ABLIM2: variants seen among roughly 807,000 people sequenced by gnomAD.
ABLIM2 encodes the protein actin-binding LIM protein 2.
In ABLIM2, 53 loss-of-function variants were observed where a neutral mutation model predicts 97.7. The observed-to-expected ratio is 0.54, with a 90% CI of 0.44 to 0.68. The LOEUF is 0.68. Ranked by LOEUF, ABLIM2 falls within the 30% of genes least tolerant of loss-of-function variation. The probability of loss-of-function intolerance (pLI) is 0.00; values close to 1 mark genes in which losing one functional copy is unlikely to be tolerated. For synonymous variants in ABLIM2, 361 were observed against 345.8 expected (o/e 1.04, Z -0.49); for missense variants, 835 against 867.2 (o/e 0.96, Z 0.47).
At chr4:8,086,644 C>T (rs954397443) in intron 4 of ABLIM2, among the ~76,000 whole-genome samples, 3 of 152,222 alleles carry the variant, frequency 2.0e-5, no homozygotes, top group East Asian at 3.9e-4. Context: ...CACACCCAGC[C>T]CATGTTTCCC....
intron 20 of ABLIM2, among the ~76,000 whole-genome samples, chr4:7,975,031 C>A (rs184630431): frequency 3.9e-5 from 6 of 152,204 alleles, no homozygotes; most frequent in African/African-American, 1.4e-4. Context: ...CCAGCCAGGG[C>A]AACATAGTAA....
At chr4:7,972,864 C>T (rs1203071124) in intron 20 of ABLIM2, among the ~76,000 whole-genome samples, 1 of 152,166 alleles carries the variant, frequency 6.6e-6, no homozygotes, top group Non-Finnish European at 1.5e-5. Context: ...TTGTCACCCT[C>T]AGTCTACCAG....
intron 1 of ABLIM2, among the ~76,000 whole-genome samples, chr4:8,118,544 C>T (rs370014151): frequency 1.3e-5 from 2 of 152,176 alleles, no homozygotes; most frequent in African/African-American, 2.4e-5. Context: ...CAAGCTGCAC[C>T]CCTCTGCTTA....
Position 8,150,958 on chromosome 4 carries a change from T to C in ABLIM2, c.10+7722A>G, listed in dbSNP as rs1712481912. 6.6e-6 allele frequency among the ~76,000 whole-genome samples: 1 copy of C among 152,128 alleles called. No individual in the cohort carries two copies. Among genetic ancestry groups the C allele is most frequent in the South Asian group, 2.1e-4 (1 of 4,824 alleles). The stretch of plus-strand genomic sequence containing the variant: ...GAGCTGTGAAGGGTATTTACAGCTG[T>C]GACAAAGGCCATTCTGCCCGTTCCC... On this transcript the variant is annotated intron_variant, in intron 1 of 20. Transcript: ENST00000447017. This position sits in a 1 kb window ranked among gnomAD's most constrained non-coding sequence, Gnocchi z 6.3.
intron 2 of ABLIM2, among the ~76,000 whole-genome samples, chr4:8,098,800 C>T (rs936351611): frequency 2.0e-5 from 3 of 152,274 alleles, no homozygotes; most frequent in South Asian, 4.1e-4. Flanking sequence ...TGAGCCAGTG[C>T]GATGTGAGAC....
rs1800585903 is a variant in ABLIM2 at position 8,058,230 on chromosome 4, C to T, written c.763+2737G>A. On this transcript the variant is annotated intron_variant, in intron 7 of 20. Transcript: ENST00000447017. This position sits in a 1 kb window ranked among gnomAD's most constrained non-coding sequence, Gnocchi z 4.2. Reference sequence around the variant, plus strand: ...GCCAAACCCCATGCAGAGCAAGGCCCCTGCCCAGACAGCCTGGCACTGCTG... The same window carrying T: ...GCCAAACCCCATGCAGAGCAAGGCCTCTGCCCAGACAGCCTGGCACTGCTG... Among the ~76,000 whole-genome samples the T allele has an allele frequency of 6.6e-6, 1 of 152,248 alleles. No homozygotes were observed. Among genetic ancestry groups the T allele is most frequent in the African/African-American group, 2.4e-5 (1 of 41,470 alleles).
Position 8,112,391 on chromosome 4 carries a change from C to T in ABLIM2, c.11-5754G>A, listed in dbSNP as rs1840776036. Among the ~76,000 whole-genome samples the T allele has an allele frequency of 6.6e-6, 1 of 152,212 alleles. No homozygotes were observed. Among genetic ancestry groups the T allele is most frequent in the Admixed American group, 6.5e-5 (1 of 15,278 alleles). On this transcript the variant is annotated intron_variant, in intron 1 of 20. Transcript: ENST00000447017. The surrounding 1 kb of genome is among the most constrained non-coding windows in gnomAD (Gnocchi z 4.2). ...TCACATCTGTAAATCAGGGCTTGAT[C>T]TTAGGAGGATGTTTTAAATGTCCAT...
At chr4:7,990,797 T>C (rs1748092327) in intron 17 of ABLIM2, among the ~76,000 whole-genome samples, 1 of 152,128 alleles carries the variant, frequency 6.6e-6, no homozygotes, top group Non-Finnish European at 1.5e-5. Context: ...AGATCAAGTA[T>C]CTGGCCTTCT....
chr4:8,137,234 C>T (rs573738382), intron 1 of ABLIM2, among the ~76,000 whole-genome samples: 1 of 152,228 alleles, frequency 6.6e-6, no homozygotes, highest in Non-Finnish European at 1.5e-5. Flanking sequence ...CGCTAGGACC[C>T]CCCCACTCTG....
At chr4:8,093,270 C>T (rs2152577974) in intron 3 of ABLIM2, among the ~76,000 whole-genome samples, 1 of 152,310 alleles carries the variant, frequency 6.6e-6, no homozygotes. Context: ...TGTGAGGGTG[C>T]AACCTTGAAC....
At chr4:8,084,315 C>A (rs1821878145) in intron 4 of ABLIM2, among the ~76,000 whole-genome samples, 4 of 152,134 alleles carry the variant, frequency 2.6e-5, no homozygotes, top group Admixed American at 2.6e-4. Flanking sequence ...GTTTACCTCC[C>A]AGGCGCACCC....
intron 14 of ABLIM2, among the ~76,000 whole-genome samples, chr4:8,009,998 C>A (rs1763896283): frequency 6.6e-6 from 1 of 152,174 alleles, no homozygotes; most frequent in South Asian, 2.1e-4. Flanking sequence ...TGGCAAACTG[C>A]AAAATGGTGA....
At position 8,130,192 on chromosome 4, in the gene ABLIM2, T is replaced by C. The variant is rs1013465119; in HGVS notation, c.11-23555A>G. ...GTCTTGAAGGAACTCAGCCAGCAGGTACTGATGGCTCACAGGGCCAGGGAT... is the reference window on the plus strand; with the variant it reads ...GTCTTGAAGGAACTCAGCCAGCAGGCACTGATGGCTCACAGGGCCAGGGAT... On this transcript the variant is annotated intron_variant, in intron 1 of 20. Coordinates refer to ENST00000447017, the MANE Select transcript of ABLIM2 (RefSeq NM_001130083.2). The surrounding 1 kb of genome is among the most constrained non-coding windows in gnomAD (Gnocchi z 4.2). Among the ~76,000 whole-genome samples, 6 of 152,094 alleles carry C rather than the reference T, an allele frequency of 3.9e-5. No individual in the cohort carries two copies. The highest frequency in any genetic ancestry group is 1.2e-4 in the African/African-American group (5 of 41,412).
intron 1 of ABLIM2, among the ~76,000 whole-genome samples, chr4:8,121,575 G>A (rs956295664): frequency 6.6e-6 from 1 of 152,164 alleles, no homozygotes; most frequent in African/African-American, 2.4e-5. Flanking sequence ...CCCAGGTCAC[G>A]CAGCAAGTCT....
Position 8,054,334 on chromosome 4 carries a change from C to T in ABLIM2, c.764-88G>A. Reference sequence around the variant, plus strand: ...TGGAAACGCAGAGGAGGGAGCTGGTCCATGCACAGACGTGCACTCGGACTC... The same window carrying T: ...TGGAAACGCAGAGGAGGGAGCTGGTTCATGCACAGACGTGCACTCGGACTC... On this transcript the variant is annotated intron_variant, in intron 7 of 20. Transcript: ENST00000447017. This position sits in a 1 kb window ranked among gnomAD's most constrained non-coding sequence, Gnocchi z 4.9. 1.4e-6 allele frequency: 2 copies of T among 1,414,524 alleles called. No homozygotes were observed. Among genetic ancestry groups the T allele is most frequent in the Non-Finnish European group, 2.0e-6 (2 of 1,009,434 alleles). The allele number at this position is 1,414,524 out of a possible 1,614,324, so 87.6% of individuals were successfully genotyped here. A position where few individuals can be genotyped will look rare whatever the true frequency, so the allele number is the denominator to read the frequency against.
intron 1 of ABLIM2, among the ~76,000 whole-genome samples, chr4:8,126,854 C>T (rs913208150): frequency 5.9e-5 from 9 of 151,932 alleles, no homozygotes; most frequent in African/African-American, 2.2e-4. Flanking sequence ...CTGCTTACAC[C>T]CGGGAGTTCA....
intron 6 of ABLIM2, among the ~76,000 whole-genome samples, chr4:8,070,639 C>T (rs940229020): frequency 1.1e-4 from 17 of 152,120 alleles, no homozygotes; most frequent in Non-Finnish European, 2.4e-4. Context: ...GAGAGAGCCT[C>T]GGCACCCCCT....
chr4:7,976,964 T>C (rs1337516361), intron 20 of ABLIM2, among the ~76,000 whole-genome samples: 1 of 151,976 alleles, frequency 6.6e-6, no homozygotes, highest in African/African-American at 2.4e-5. Context: ...CACAGTCACG[T>C]GTATACACAC....
At chr4:8,118,455 G>A (rs1324638133) in intron 1 of ABLIM2, among the ~76,000 whole-genome samples, 1 of 152,194 alleles carries the variant, frequency 6.6e-6, no homozygotes, top group Non-Finnish European at 1.5e-5. Flanking sequence ...CTGCGAGGGG[G>A]CCGTCAGCAT....
Sources: allele counts gnomAD v4.1 joint callset (sites outside exome capture counted in the v4.1 genomes callset), GRCh38; gene constraint gnomAD v4.1.1; non-coding constraint Gnocchi (gnomAD v3.1); transcripts MANE v1.5; gene names NCBI Gene and HGNC (gene_info 2026-07-23, HGNC 2026-07-21).